Variants in GLYATL1 observed in about 807,000 individuals in gnomAD.
GLYATL1 encodes the protein glycine-N-acyltransferase like 1.
Under a neutral mutation model 20.0 loss-of-function variants are expected in GLYATL1, and 15 were observed. The observed-to-expected ratio is 0.75, with a 90% CI of 0.50 to 1.15. GLYATL1 has a LOEUF of 1.15. GLYATL1 is among the 50% of genes most tolerant of loss of function. GLYATL1 has a pLI of 0.00. For missense variants in GLYATL1, 380 were observed against 368.5 expected, an observed-to-expected ratio of 1.03 and a Z score of -0.26; for synonymous variants, 151 against 131.5, an observed-to-expected ratio of 1.15 and a Z score of -1.01.
chr11:58,915,289 G>C (rs554250268), intron 1 of GLYATL1, among the ~76,000 whole-genome samples: 1 of 152,302 alleles, frequency 6.6e-6, no homozygotes, highest in African/African-American at 2.4e-5. Context: ...CTCCTGGTGA[G>C]GTGAAATGCT....
chr11:58,935,375 G>C (rs117792377), upstream of GLYATL1: 1,239 of 152,340 alleles, frequency 8.1e-3, 17 homozygotes, highest in South Asian at 0.05. Flanking sequence ...TCGACACAGA[G>C]ATTGCCTCTC....
At chr11:58,946,540 G>A (rs1856580963) in intron 2 of GLYATL1, among the ~76,000 whole-genome samples, 1 of 152,186 alleles carries the variant, frequency 6.6e-6, no homozygotes, top group South Asian at 2.1e-4. Context: ...TTTTTGTAAT[G>A]AAACTGGGAT....
intron 2 of GLYATL1, 85 bp from the exon 3 acceptor site, chr11:58,946,961 A>C: frequency 2.2e-6 from 2 of 927,938 alleles, no homozygotes; most frequent in Admixed American, 1.7e-5. Flanking sequence ...CTACATCACG[A>C]GTGTTACTTG....
chr11:58,949,154 C>T (rs1160828683), intron 4 of GLYATL1, among the ~76,000 whole-genome samples: 2 of 152,160 alleles, frequency 1.3e-5, no homozygotes, highest in East Asian at 3.9e-4. Flanking sequence ...AATACTTCCC[C>T]TTTGTGTTTG....
At chr11:58,922,373 C>CA (rs1855330038) in intron 1 of GLYATL1, among the ~76,000 whole-genome samples, 1 of 152,042 alleles carries the variant, frequency 6.6e-6, no homozygotes, top group Non-Finnish European at 1.5e-5. Flanking sequence ...ACCAGTGGTT[C>CA]AAAAAAACTG....
chr11:58,941,494 A>C (rs1423233898), intron 1 of GLYATL1, among the ~76,000 whole-genome samples: 2 of 152,088 alleles, frequency 1.3e-5, no homozygotes, highest in Non-Finnish European at 2.9e-5. Flanking sequence ...ATAGTGCCGC[A>C]ATAAACATAC....
upstream of GLYATL1, among the ~76,000 whole-genome samples, chr11:58,924,880 G>A (rs777235253): frequency 1.3e-5 from 2 of 152,202 alleles, no homozygotes; most frequent in Non-Finnish European, 2.9e-5. Flanking sequence ...AAGTAAAAGG[G>A]CTGACAAAAG....
At chr11:58,912,256 G>C (rs1295182694), downstream of GLYATL1, among the ~76,000 whole-genome samples, 3 of 152,212 alleles carry the variant, frequency 2.0e-5, no homozygotes, top group Non-Finnish European at 4.4e-5. Context: ...CCAAGGCCAG[G>C]AGACAAGGCA....
At chr11:58,937,172 T>C (rs1855873488), upstream of GLYATL1, among the ~76,000 whole-genome samples, 5 of 152,174 alleles carry the variant, frequency 3.3e-5, no homozygotes, top group Admixed American at 3.3e-4. Flanking sequence ...TACAGAGAGG[T>C]GCAGCCACAT....
At chr11:58,918,766 G>T (rs1426531007) in intron 1 of GLYATL1, among the ~76,000 whole-genome samples, 1 of 152,210 alleles carries the variant, frequency 6.6e-6, no homozygotes, top group African/African-American at 2.4e-5. Context: ...AGACTAGTCA[G>T]CTTCCAGAGT....
intron 1 of GLYATL1, among the ~76,000 whole-genome samples, chr11:58,919,470 T>C (rs1328635881): frequency 2.0e-5 from 3 of 152,228 alleles, no homozygotes; most frequent in African/African-American, 2.4e-5. Flanking sequence ...TTATTTTTAA[T>C]AGCCAAGTTC....
upstream of GLYATL1, among the ~76,000 whole-genome samples, chr11:58,925,013 C>T (rs917351274): frequency 1.3e-4 from 20 of 152,134 alleles, no homozygotes; most frequent in African/African-American, 4.8e-4. Flanking sequence ...TGTGTGAGGC[C>T]TGTGCTGTTC....
intron 1 of GLYATL1, among the ~76,000 whole-genome samples, chr11:58,942,238 G>A (rs1036473775): frequency 1.3e-5 from 2 of 152,216 alleles, no homozygotes; most frequent in Non-Finnish European, 2.9e-5. Flanking sequence ...AAGCAAACCT[G>A]TCTGAACTTT....
At chr11:58,953,390 GTTTTTTT>G (rs377318573) in intron 4 of GLYATL1, among the ~76,000 whole-genome samples, 1 of 110,974 alleles carries the variant, frequency 9.0e-6, no homozygotes, top group East Asian at 2.6e-4. Flanking sequence ...CTTACAGTCT[GTTTTTTT>G]TTTTTTTTTG....
At chr11:58,920,213 G>A (rs144294450) in intron 1 of GLYATL1, among the ~76,000 whole-genome samples, 9 of 152,222 alleles carry the variant, frequency 5.9e-5, no homozygotes, top group East Asian at 3.9e-4. Flanking sequence ...CCCATACAGT[G>A]TCTAAGAGCT....
upstream of GLYATL1, among the ~76,000 whole-genome samples, chr11:58,935,936 G>T (rs544800): frequency 0.32 from 49,303 of 151,840 alleles, 8,519 homozygotes; most frequent in Non-Finnish European, 0.39. Flanking sequence ...CCTCCATAAA[G>T]TAGTTCTACA....
upstream of GLYATL1, among the ~76,000 whole-genome samples, chr11:58,927,347 G>A (rs1253609618): frequency 2.0e-5 from 3 of 152,228 alleles, no homozygotes; most frequent in Non-Finnish European, 4.4e-5. Flanking sequence ...GATGTCACTT[G>A]TAAACAAGGA....
upstream of GLYATL1, among the ~76,000 whole-genome samples, chr11:58,937,786 A>G (rs191798806): frequency 1.2e-3 from 186 of 152,348 alleles, 1 homozygote; most frequent in East Asian, 3.1e-3. Context: ...ATGTCTTCCA[A>G]CGATGGCTGC....
At chr11:58,936,437 T>A (rs1437607892), upstream of GLYATL1, among the ~76,000 whole-genome samples, 1 of 152,252 alleles carries the variant, frequency 6.6e-6, no homozygotes, top group East Asian at 1.9e-4. Flanking sequence ...AGACAATCTC[T>A]ACTAAACCTC....
Sources: allele counts gnomAD v4.1 joint callset (sites outside exome capture counted in the v4.1 genomes callset), GRCh38; gene constraint gnomAD v4.1.1; transcripts MANE v1.5; gene names NCBI Gene and HGNC (gene_info 2026-07-23, HGNC 2026-07-21).